ZNF385D: variants seen among roughly 807,000 people sequenced by gnomAD.
The protein encoded by ZNF385D is zinc finger protein 385D, also known as zinc finger protein 659.
Under a neutral mutation model 35.8 loss-of-function variants are expected in ZNF385D, and 15 were observed. The ratio of observed to expected loss-of-function variants is 0.42; its 90% CI spans 0.28 to 0.64. ZNF385D has a LOEUF of 0.64. Among genes scored for constraint, ZNF385D ranks in the 30% least tolerant of loss-of-function variants. The pLI is 0.23. For synonymous variants in ZNF385D, 212 were observed against 186.8 expected (o/e 1.13, Z -1.10); for missense variants, 474 against 494.6 (o/e 0.96, Z 0.39).
intron 1 of ZNF385D, among the ~76,000 whole-genome samples, chr3:21,671,569 A>T (rs920298543): frequency 6.6e-6 from 1 of 152,194 alleles, no homozygotes; most frequent in Non-Finnish European, 1.5e-5. Flanking sequence ...GAAGCAAAAT[A>T]TCTTACCAGA....
chr3:21,909,144 C>T (rs1345982662), intron 3 of ZNF385D, among the ~76,000 whole-genome samples: 1 of 152,012 alleles, frequency 6.6e-6, no homozygotes, highest in Non-Finnish European at 1.5e-5. Flanking sequence ...AACTTATCTT[C>T]CTACAGAATG....
intron 3 of ZNF385D, among the ~76,000 whole-genome samples, chr3:21,970,480 C>T (rs1703178157): frequency 6.6e-6 from 1 of 150,982 alleles, no homozygotes. Context: ...AGCTTGAATA[C>T]AGGCTTTTTG....
At chr3:22,100,945 A>C (rs1701907781) in intron 3 of ZNF385D, among the ~76,000 whole-genome samples, 1 of 152,042 alleles carries the variant, frequency 6.6e-6, no homozygotes, top group Admixed American at 6.6e-5. Context: ...AGTAAATGTG[A>C]AGTCAGGCAA....
intron 3 of ZNF385D, among the ~76,000 whole-genome samples, chr3:22,128,230 GC>G (rs1703557492): frequency 1.3e-5 from 2 of 152,254 alleles, no homozygotes; most frequent in East Asian, 3.9e-4. Flanking sequence ...TGTAAGGTTT[GC>G]ATTGAGAAAT....
chr3:21,919,498 A>G lies in ZNF385D; in HGVS notation c.325+249319T>C, dbSNP rs1357437776. Among the ~76,000 whole-genome samples the G allele has an allele frequency of 2.0e-5, 3 of 152,340 alleles. No individual in the cohort carries two copies. In the East Asian group the frequency reaches 5.8e-4, roughly 29 times the overall value. On this transcript the variant is annotated intron_variant, in intron 3 of 5. Coordinates refer to the ZNF385D transcript ENST00000494108. Reference sequence around the variant, plus strand: ...ATGTAAATCATATCTCAATTCAAAAAAGGTAAGCAAAACAAGTAGTGGGAG... The same window carrying G: ...ATGTAAATCATATCTCAATTCAAAAGAGGTAAGCAAAACAAGTAGTGGGAG...
chr3:22,170,733 G>A (rs1310405585), intron 2 of ZNF385D, among the ~76,000 whole-genome samples: 2 of 152,052 alleles, frequency 1.3e-5, no homozygotes, highest in East Asian at 1.9e-4. Flanking sequence ...ATAAAAAAAT[G>A]TAAGTATCTA....
At chr3:22,317,319 G>C (rs368424572) in intron 2 of ZNF385D, among the ~76,000 whole-genome samples, 1 of 83,636 alleles carries the variant, frequency 1.2e-5, no homozygotes, top group Non-Finnish European at 2.6e-5. Flanking sequence ...AAAAATAAAA[G>C]AAAAAAAAAG....
intron 2 of ZNF385D, among the ~76,000 whole-genome samples, chr3:21,640,646 C>T (rs563613249): frequency 6.6e-5 from 10 of 152,240 alleles, no homozygotes; most frequent in African/African-American, 1.9e-4. Context: ...CCTTGCCAAA[C>T]ACAGAATCTG....
chr3:22,212,477 C>T (rs1023568573), intron 2 of ZNF385D, among the ~76,000 whole-genome samples: 1 of 151,970 alleles, frequency 6.6e-6, no homozygotes, highest in Non-Finnish European at 1.5e-5. Context: ...CATTGTTGAC[C>T]TTTTGGAAGC....
At chr3:21,737,086 C>T (rs899666566) in intron 1 of ZNF385D, among the ~76,000 whole-genome samples, 2 of 152,124 alleles carry the variant, frequency 1.3e-5, no homozygotes, top group South Asian at 2.1e-4. Context: ...ATAACAGGCG[C>T]TTGCCACCAC....
intron 3 of ZNF385D, among the ~76,000 whole-genome samples, chr3:21,861,105 C>T (rs1697028755): frequency 6.6e-6 from 1 of 152,068 alleles, no homozygotes; most frequent in African/African-American, 2.4e-5. Flanking sequence ...TATTTTAGTC[C>T]ATCCAGCCAA....
chr3:22,019,934 C>T (rs1445870286), intron 3 of ZNF385D, among the ~76,000 whole-genome samples: 1 of 151,654 alleles, frequency 6.6e-6, no homozygotes, highest in Non-Finnish European at 1.5e-5. Flanking sequence ...TATGAATTTT[C>T]TATGTCCCAA....
chr3:22,257,827 A>G (rs961643006), intron 2 of ZNF385D, among the ~76,000 whole-genome samples: 2 of 151,878 alleles, frequency 1.3e-5, no homozygotes, highest in Admixed American at 1.3e-4. Flanking sequence ...ATAAATAAAA[A>G]TTCCTGGTGA....
At chr3:22,353,650 C>G (rs1470006585) in intron 2 of ZNF385D, among the ~76,000 whole-genome samples, 1 of 152,106 alleles carries the variant, frequency 6.6e-6, no homozygotes, top group East Asian at 1.9e-4. Context: ...CATGATCACT[C>G]TTTTCAAAAC....
chr3:21,530,291 T>C (rs1385457311), intron 3 of ZNF385D, among the ~76,000 whole-genome samples: 1 of 152,208 alleles, frequency 6.6e-6, no homozygotes, highest in Non-Finnish European at 1.5e-5. Context: ...TTCACAGCAA[T>C]GCAAAATGGA....
At chr3:22,283,823 T>C (rs971348195) in intron 2 of ZNF385D, among the ~76,000 whole-genome samples, 1 of 152,124 alleles carries the variant, frequency 6.6e-6, no homozygotes, top group African/African-American at 2.4e-5. Context: ...AAGGTACAAT[T>C]TTCCACCCAT....
At chr3:21,591,446 C>T (rs1002975225) in intron 2 of ZNF385D, among the ~76,000 whole-genome samples, 1 of 152,010 alleles carries the variant, frequency 6.6e-6, no homozygotes, top group Non-Finnish European at 1.5e-5. Flanking sequence ...ATTTAATAGA[C>T]TTCCAGAATC....
At chr3:21,494,764 G>T (rs1705699824) in intron 4 of ZNF385D, among the ~76,000 whole-genome samples, 2 of 152,224 alleles carry the variant, frequency 1.3e-5, no homozygotes, top group Non-Finnish European at 2.9e-5. Context: ...CCATTTAAAT[G>T]AATCACTAGA....
In ZNF385D at chr3:21,432,406, C is replaced by T. The variant is rs1415202478; in HGVS notation, c.673+4564G>A. ...ACTTGGTGAGGGGATAGAATAAACT[C>T]TGTCTAGACATATAAGACAAAAACT... On this transcript the variant is annotated intron_variant, in intron 5 of 7. Transcript: ENST00000281523. Among the ~76,000 whole-genome samples the T allele has an allele frequency of 2.0e-5, 3 of 152,104 alleles. No homozygotes were observed. In the East Asian group the frequency reaches 5.8e-4, roughly 29 times the overall value.
Sources: gnomAD v4.1 joint callset for allele counts (sites outside exome capture counted in the v4.1 genomes callset) on GRCh38, gnomAD v4.1.1 for gene constraint, MANE v1.5 for transcripts, NCBI Gene and HGNC (gene_info 2026-07-23, HGNC 2026-07-21) for gene names.